The following TNS3 variants were observed in gnomAD, a reference collection of about 807,000 sequenced individuals.
The protein encoded by TNS3 is tensin 3.
Under a neutral mutation model 140.9 loss-of-function variants are expected in TNS3, and 45 were observed. The observed-to-expected ratio is 0.32, with a 90% CI of 0.25 to 0.41. TNS3 has a LOEUF of 0.41. Among genes scored for constraint, TNS3 ranks in the 10% least tolerant of loss-of-function variants. The pLI is 1.00. For synonymous variants in TNS3, 815 were observed against 788.4 expected (o/e 1.03, Z -0.56); for missense variants, 1,716 against 1,906.7 (o/e 0.90, Z 1.86).
intron 1 of TNS3, among the ~76,000 whole-genome samples, chr7:47,572,478 A>T (rs1033369650): frequency 4.6e-5 from 7 of 152,116 alleles, no homozygotes; most frequent in African/African-American, 1.7e-4. Context: ...GTTGTCGCAA[A>T]ATCTCTACTA....
At chr7:47,541,475 AAAGT>A (rs1220469626) in intron 1 of TNS3, among the ~76,000 whole-genome samples, 2 of 152,156 alleles carry the variant, frequency 1.3e-5, no homozygotes, top group South Asian at 2.1e-4. Context: ...TTTTGGCCAG[AAAGT>A]AAGACAGTGC....
rs1467857559 is a variant in TNS3, at chr7:47,303,094, A to G, written c.3313T>C (p.Ser1105Pro). 8 of 1,614,124 alleles carry G rather than the reference A, an allele frequency of 5.0e-6. No homozygotes were observed. Among genetic ancestry groups the G allele is most frequent in the Non-Finnish European group, 6.8e-6 (8 of 1,179,988 alleles). ...GAGCCCAAAGAACGATCCCCCTCCG[A>G]GGCCCGCTTCTTCTCAGGGAGGGGT... ...QPPLPEKKRASEGDRSLGSVS... is the reference protein window; with the variant it reads ...QPPLPEKKRAPEGDRSLGSVS... Residue 1105 changes from serine to proline, a missense_variant, in exon 22 of 31, where the codon TCG becomes CCG. Ser to Pro is a moderately conservative substitution (Grantham distance 74, BLOSUM62 -1). This residue lies in a region of TNS3 where 1,163 missense variants were observed against 1,182.1 expected (regional missense o/e 0.98). Transcript: ENST00000311160.
At chr7:47,317,783 GAGA>G (rs1372419777) in intron 20 of TNS3, among the ~76,000 whole-genome samples, 1 of 152,226 alleles carries the variant, frequency 6.6e-6, no homozygotes, top group African/African-American at 2.4e-5. Flanking sequence ...ACACACAGCT[GAGA>G]AGATCAGGGT....
intron 3 of TNS3, among the ~76,000 whole-genome samples, chr7:47,501,180 G>T (rs984412004): frequency 1.4e-5 from 1 of 72,564 alleles, no homozygotes; most frequent in African/African-American, 6.2e-5. Context: ...AAGAGAGGAA[G>T]GAAGGAAGGG....
chr7:47,447,667 C>T (rs767457041), intron 4 of TNS3, among the ~76,000 whole-genome samples: 2 of 152,148 alleles, frequency 1.3e-5, no homozygotes, highest in Admixed American at 6.5e-5. Flanking sequence ...TTCTCAGTCC[C>T]GCTGTGCCCT....
chr7:47,510,324 G>A (rs912099027), intron 2 of TNS3, among the ~76,000 whole-genome samples: 8 of 152,184 alleles, frequency 5.3e-5, no homozygotes, highest in African/African-American at 1.4e-4. Flanking sequence ...CACAGGCCCA[G>A]AAGACAAAAC....
intron 6 of TNS3, among the ~76,000 whole-genome samples, chr7:47,439,168 G>C (rs1001585946): frequency 3.9e-5 from 6 of 152,222 alleles, no homozygotes; most frequent in African/African-American, 1.4e-4. Context: ...GATGCAGCAT[G>C]GGAGCGCAAG....
chr7:47,498,699 A>T (rs1798104732), intron 3 of TNS3, among the ~76,000 whole-genome samples: 1 of 152,228 alleles, frequency 6.6e-6, no homozygotes, highest in Non-Finnish European at 1.5e-5. Context: ...CCGCACTAAA[A>T]AACAAACCTG....
chr7:47,344,854 G>C lies in TNS3; in HGVS notation c.2567-16C>G, dbSNP rs775537940. On this transcript the variant is annotated splice_polypyrimidine_tract_variant and intron_variant, in intron 19 of 30. Coordinates refer to ENST00000311160, the MANE Select transcript of TNS3 (RefSeq NM_022748.12). ...GCTGTTTTCACTGGAAAAGAAAGCA[G>C]AGCAAGGGGCTGTTGTCACCCTCCT... 33 of 1,613,868 alleles carry C rather than the reference G, an allele frequency of 2.0e-5. 2 individuals are homozygous for C. The South Asian group carries it at 3.4e-4, about 17-fold the overall frequency.
intron 4 of TNS3, among the ~76,000 whole-genome samples, chr7:47,477,416 C>T (rs186948103): frequency 1.3e-5 from 2 of 152,148 alleles, no homozygotes; most frequent in East Asian, 3.9e-4. Context: ...TGGGAGGGGC[C>T]GCCAGCACAG....
At chr7:47,290,725 T>C (rs1208677092) in intron 27 of TNS3, among the ~76,000 whole-genome samples, 2 of 152,228 alleles carry the variant, frequency 1.3e-5, no homozygotes. Flanking sequence ...CTCACATTCA[T>C]TGCTAGTGGG....
intron 3 of TNS3, among the ~76,000 whole-genome samples, chr7:47,493,264 C>A (rs1026309125): frequency 1.3e-5 from 2 of 152,332 alleles, no homozygotes; most frequent in Admixed American, 6.5e-5. Flanking sequence ...ACCTCTCATT[C>A]ATTCATTCAT....
chr7:47,464,416 A>C, intron 4 of TNS3, among the ~76,000 whole-genome samples: 1 of 152,150 alleles, frequency 6.6e-6, no homozygotes, highest in East Asian at 1.9e-4. Context: ...CAAACCCCAG[A>C]GGCCGCCGAG....
chr7:47,518,129 C>A (rs1798839379), intron 2 of TNS3, among the ~76,000 whole-genome samples: 6 of 152,202 alleles, frequency 3.9e-5, no homozygotes, highest in Admixed American at 3.9e-4. Context: ...CTGCACCCAG[C>A]CTGCCTCCCA....
At chr7:47,580,828 T>C (rs760708365) in intron 1 of TNS3, among the ~76,000 whole-genome samples, 5 of 152,176 alleles carry the variant, frequency 3.3e-5, no homozygotes, top group Non-Finnish European at 7.3e-5. Context: ...GGTTGGTTAG[T>C]TCAGAAGGGC....
At chr7:47,522,744 T>C (rs1232422963) in intron 2 of TNS3, among the ~76,000 whole-genome samples, 2 of 152,014 alleles carry the variant, frequency 1.3e-5, no homozygotes, top group Non-Finnish European at 2.9e-5. Flanking sequence ...CTGGCTAACA[T>C]GGTGAAACCC....
chr7:47,383,388 A>C lies in TNS3; in HGVS notation c.1024+13412T>G, dbSNP rs1482078132. On this transcript the variant is annotated intron_variant, in intron 16 of 30. Transcript: ENST00000311160. ...GCTTCGTGGTTGCCAGGGGCTGAGG[A>C]AAGGAGGAACTGGGAGTGACCACTA... 6.6e-5 allele frequency among the ~76,000 whole-genome samples: 10 copies of C among 152,204 alleles called. No homozygotes were observed. In the East Asian group the frequency reaches 1.9e-3, roughly 29 times the overall value.
chr7:47,352,254 C>A (rs1190496408), intron 17 of TNS3, among the ~76,000 whole-genome samples: 3 of 152,210 alleles, frequency 2.0e-5, no homozygotes. Flanking sequence ...GGCACTCACA[C>A]ACGTGCAGTC....
Position 47,413,976 on chromosome 7 carries a change from A to C in TNS3, c.608T>G (p.Leu203Arg). ...GTACACAGGCTGCATGGCTTGGTAGAGCTTCAGAAAGGGCCGGCACACTGA... is the reference window on the plus strand; with the variant it reads ...GTACACAGGCTGCATGGCTTGGTAGCGCTTCAGAAAGGGCCGGCACACTGA... ...TGGVCRPFLKLYQAMQPVYTS... is the reference protein window; with the variant it reads ...TGGVCRPFLKRYQAMQPVYTS... The change falls in exon 12 of 31, where the codon CTC (leucine) becomes CGC (arginine). Residue 203 changes from leucine (L) to arginine (R), a missense_variant. This residue lies in a region of TNS3 where 337 missense variants were observed against 428.9 expected (regional missense o/e 0.79). Transcript: ENST00000311160. 6.2e-7 allele frequency: 1 copy of C among 1,613,880 alleles called. No individual in the cohort carries two copies. Among genetic ancestry groups the C allele is most frequent in the Non-Finnish European group, 8.5e-7 (1 of 1,179,950 alleles).
Sources: allele counts gnomAD v4.1 joint callset (sites outside exome capture counted in the v4.1 genomes callset), GRCh38; gene constraint gnomAD v4.1.1; regional missense constraint gnomAD v4.1.1; transcripts MANE v1.5; gene names NCBI Gene and HGNC (gene_info 2026-07-23, HGNC 2026-07-21).